Variants in NR3C2 observed in about 807,000 individuals in gnomAD.
NR3C2 encodes the protein nuclear receptor subfamily 3 group C member 2.
Under a neutral mutation model 86.4 loss-of-function variants are expected in NR3C2, and 15 were observed. That is an observed-to-expected ratio of 0.17 (90% confidence interval 0.12 to 0.27). NR3C2 has a LOEUF of 0.27. NR3C2 is among the 10% of genes least tolerant of loss of function. The pLI is 1.00. For synonymous variants in NR3C2, 458 were observed against 450.5 expected, an observed-to-expected ratio of 1.02 and a Z score of -0.21; for missense variants, 960 against 1,195.6, an observed-to-expected ratio of 0.80 and a Z score of 2.91.
At chr4:148,412,486 C>A (rs952967665) in intron 2 of NR3C2, among the ~76,000 whole-genome samples, 3 of 152,026 alleles carry the variant, frequency 2.0e-5, no homozygotes. Flanking sequence ...TCAGATTTAG[C>A]CTTTCAATAA....
intron 4 of NR3C2, among the ~76,000 whole-genome samples, chr4:148,189,117 C>T (rs1402293253): frequency 5.9e-5 from 9 of 151,874 alleles, no homozygotes; most frequent in South Asian, 2.1e-4. Context: ...TTAGTAGAGA[C>T]GGGGTTTTGC....
intron 2 of NR3C2, among the ~76,000 whole-genome samples, chr4:148,294,641 C>G (rs1472590534): frequency 6.7e-6 from 1 of 149,898 alleles, no homozygotes; most frequent in African/African-American, 2.5e-5. Flanking sequence ...TACCTTCATT[C>G]TAGCTCAAAA....
At chr4:148,175,782 T>A (rs1735346533) in intron 4 of NR3C2, among the ~76,000 whole-genome samples, 1 of 152,160 alleles carries the variant, frequency 6.6e-6, no homozygotes, top group South Asian at 2.1e-4. Context: ...GAATTAAGAA[T>A]GGCTTGATTT....
intron 2 of NR3C2, among the ~76,000 whole-genome samples, chr4:148,343,296 T>C (rs537498007): frequency 8.5e-5 from 13 of 152,272 alleles, no homozygotes; most frequent in Admixed American, 5.9e-4. Flanking sequence ...TTCTGTGCCA[T>C]TGAAAGAACT....
chr4:148,175,074 T>G (rs1449002191), intron 4 of NR3C2, among the ~76,000 whole-genome samples: 2 of 152,130 alleles, frequency 1.3e-5, no homozygotes, highest in Non-Finnish European at 2.9e-5. Flanking sequence ...ACTTGAAACA[T>G]CGTATTCAGG....
At chr4:148,241,082 G>A (rs569815919) in intron 3 of NR3C2, among the ~76,000 whole-genome samples, 3 of 151,868 alleles carry the variant, frequency 2.0e-5, no homozygotes, top group Non-Finnish European at 4.4e-5. Context: ...GACGTGGGAG[G>A]ATCACCTGAG....
At chr4:148,425,018 C>T (rs1010608277) in intron 2 of NR3C2, among the ~76,000 whole-genome samples, 1 of 152,124 alleles carries the variant, frequency 6.6e-6, no homozygotes, top group South Asian at 2.1e-4. Context: ...AAAGGAAGAA[C>T]AGTATTTGTT....
At chr4:148,427,342 AT>A (rs1749594219) in intron 2 of NR3C2, among the ~76,000 whole-genome samples, 1 of 152,000 alleles carries the variant, frequency 6.6e-6, no homozygotes, top group Admixed American at 6.6e-5. Context: ...TTCTACTCAA[AT>A]ATCAACTCCT....
chr4:148,215,190 T>C (rs941749236), intron 3 of NR3C2, among the ~76,000 whole-genome samples: 32 of 152,348 alleles, frequency 2.1e-4, no homozygotes, highest in African/African-American at 7.7e-4. Context: ...GCATCCAGAA[T>C]ACAGGCATGT....
At chr4:148,310,000 G>GA (rs966628853) in intron 2 of NR3C2, among the ~76,000 whole-genome samples, 23 of 151,914 alleles carry the variant, frequency 1.5e-4, no homozygotes, top group South Asian at 8.3e-4. Flanking sequence ...GAAATAATGA[G>GA]AAAAAAATCA....
chr4:148,263,242 A>G (rs923164275), intron 2 of NR3C2, among the ~76,000 whole-genome samples: 3 of 152,188 alleles, frequency 2.0e-5, no homozygotes, highest in Non-Finnish European at 4.4e-5. Context: ...CTTCTTGAGC[A>G]TATCATGCTC....
intron 2 of NR3C2, among the ~76,000 whole-genome samples, chr4:148,331,967 G>C (rs1310655935): frequency 2.0e-5 from 3 of 151,942 alleles, no homozygotes; most frequent in Non-Finnish European, 4.4e-5. Context: ...AAAGTTTGAT[G>C]GTTTATAAGA....
At chr4:148,149,559 C>T (rs961757396) in intron 6 of NR3C2, among the ~76,000 whole-genome samples, 3 of 152,160 alleles carry the variant, frequency 2.0e-5, no homozygotes, top group African/African-American at 7.2e-5. Context: ...GAGATTTTGA[C>T]TTCACTACAA....
intron 8 of NR3C2, among the ~76,000 whole-genome samples, chr4:148,091,378 A>C (rs952527429): frequency 6.6e-6 from 1 of 152,230 alleles, no homozygotes; most frequent in African/African-American, 2.4e-5. Flanking sequence ...CAGAACCCAC[A>C]GATGCCTGGC....
intron 2 of NR3C2, among the ~76,000 whole-genome samples, chr4:148,338,620 G>C (rs1291801112): frequency 6.6e-6 from 1 of 152,122 alleles, no homozygotes; most frequent in Non-Finnish European, 1.5e-5. Context: ...GCCCATTGCT[G>C]AATGGCAACA....
At chr4:148,206,802 GAGC>G (rs1316256325) in intron 3 of NR3C2, among the ~76,000 whole-genome samples, 4 of 152,154 alleles carry the variant, frequency 2.6e-5, no homozygotes, top group Admixed American at 1.3e-4. Context: ...AAGTGTGCTG[GAGC>G]AGCCATGGAA....
At chr4:148,081,956 CAG>C (rs1730583052) in intron 8 of NR3C2, among the ~76,000 whole-genome samples, 1 of 152,174 alleles carries the variant, frequency 6.6e-6, no homozygotes, top group Non-Finnish European at 1.5e-5. Context: ...AGGAGCAGGA[CAG>C]AGCACTGCAC....
intron 3 of NR3C2, among the ~76,000 whole-genome samples, chr4:148,241,305 C>CAAAAAAAAA (rs1374779029): frequency 5.3e-5 from 1 of 18,862 alleles, no homozygotes; most frequent in Non-Finnish European, 8.1e-5. Context: ...AACTCTGTCT[C>CAAAAAAAAA]AAAAAAAAAA....
At chr4:148,118,751 C>T (rs1732380748) in intron 7 of NR3C2, among the ~76,000 whole-genome samples, 1 of 152,170 alleles carries the variant, frequency 6.6e-6, no homozygotes, top group South Asian at 2.1e-4. Flanking sequence ...GGCATCACTA[C>T]TGTGGCTAGT....
Sources: gnomAD v4.1 joint callset for allele counts (sites outside exome capture counted in the v4.1 genomes callset) on GRCh38, gnomAD v4.1.1 for gene constraint, MANE v1.5 for transcripts, NCBI Gene and HGNC (gene_info 2026-07-23, HGNC 2026-07-21) for gene names.